The following FRAS1 variants were observed in gnomAD, a reference collection of about 807,000 sequenced individuals.
FRAS1 encodes Fraser extracellular matrix complex subunit 1.
In FRAS1, 290 loss-of-function variants were observed where a neutral mutation model predicts 435.2. The ratio of observed to expected loss-of-function variants is 0.67; its 90% confidence interval spans 0.61 to 0.73. FRAS1 has a LOEUF of 0.73. Among genes scored for constraint, FRAS1 ranks in the 30% least tolerant of loss-of-function variants. The probability of loss-of-function intolerance (pLI) is 0.00; values close to 1 mark genes in which losing one functional copy is unlikely to be tolerated. For missense variants in FRAS1, 4,860 were observed against 5,001.5 expected (o/e 0.97, Z 0.85); for synonymous variants, 1,800 against 1,851.0 (o/e 0.97, Z 0.71).
At position 78,322,082 on chromosome 4, in the gene FRAS1, A is replaced by G. The variant is rs193277215; in HGVS notation, c.2137+3096A>G. ...CAAGTGATGAGAATGTGGCAGAAAG[A>G]GGTTAATTGAGTTGCCTAAGATTCC... On this transcript the variant is annotated intron_variant, in intron 18 of 73. Transcript: ENST00000512123. 2.6e-5 allele frequency among the ~76,000 whole-genome samples: 4 copies of G among 152,202 alleles called. No individual in the cohort carries two copies. The East Asian group carries it at 7.7e-4, about 29-fold the overall frequency.
intron 4 of FRAS1, among the ~76,000 whole-genome samples, chr4:78,249,502 T>C (rs1725432738): frequency 6.6e-6 from 1 of 151,896 alleles, no homozygotes; most frequent in African/African-American, 2.4e-5. Flanking sequence ...TTTGTATTTT[T>C]AGTGGAGATG....
At chr4:78,385,883 TAA>T (rs34277639) in intron 28 of FRAS1, among the ~76,000 whole-genome samples, 25 of 111,760 alleles carry the variant, frequency 2.2e-4, no homozygotes, top group Admixed American at 2.9e-4. Context: ...AGACTCTGTC[TAA>T]AAAAAAAAAA....
intron 14 of FRAS1, among the ~76,000 whole-genome samples, chr4:78,289,845 A>G (rs533288326): frequency 6.6e-6 from 1 of 152,094 alleles, no homozygotes; most frequent in African/African-American, 2.4e-5. Flanking sequence ...TCCCCACCAC[A>G]ATACTTGACC....
chr4:78,147,745 C>T (rs1389104644), intron 2 of FRAS1, among the ~76,000 whole-genome samples: 4 of 152,178 alleles, frequency 2.6e-5, no homozygotes, highest in East Asian at 1.9e-4. Context: ...ATAATGTGAG[C>T]GAGCAACTCT....
At chr4:78,276,313 C>T (rs1727030960) in intron 9 of FRAS1, among the ~76,000 whole-genome samples, 1 of 152,246 alleles carries the variant, frequency 6.6e-6, no homozygotes, top group Admixed American at 6.5e-5. Context: ...CTTCTCTCAG[C>T]TCGTCAAAGT....
At chr4:78,208,585 A>C (rs578250673) in intron 2 of FRAS1, among the ~76,000 whole-genome samples, 2 of 152,320 alleles carry the variant, frequency 1.3e-5, no homozygotes, top group African/African-American at 4.8e-5. Context: ...TAAATAAAAA[A>C]CAATCAAAAC....
chr4:78,268,766 A>C (rs977802731), intron 9 of FRAS1, among the ~76,000 whole-genome samples: 7 of 152,176 alleles, frequency 4.6e-5, no homozygotes, highest in African/African-American at 7.2e-5. Flanking sequence ...GTCGGCTGTG[A>C]CACCTGGCTA....
intron 2 of FRAS1, among the ~76,000 whole-genome samples, chr4:78,130,492 C>T (rs762608068): frequency 1.1e-4 from 16 of 152,130 alleles, no homozygotes; most frequent in African/African-American, 2.7e-4. Flanking sequence ...ACTTTTTAGG[C>T]GCCCTTGCCT....
At chr4:78,263,820 T>C (rs1382732815) in intron 6 of FRAS1, among the ~76,000 whole-genome samples, 1 of 152,200 alleles carries the variant, frequency 6.6e-6, no homozygotes, top group Non-Finnish European at 1.5e-5. Context: ...ATTCTAGTGG[T>C]TCAGGCATTT....
At chr4:78,255,064 A>G (rs769349718) in intron 5 of FRAS1, among the ~76,000 whole-genome samples, 178 bp from the exon 6 acceptor site, 10 of 152,206 alleles carry the variant, frequency 6.6e-5, no homozygotes, top group Non-Finnish European at 1.5e-4. Flanking sequence ...AACTTCACCT[A>G]TAAAACACAA....
chr4:78,466,467 T>A, intron 50 of FRAS1, 32 bp downstream of exon 50: 1 of 1,495,282 alleles, frequency 6.7e-7, no homozygotes, highest in Non-Finnish European at 9.3e-7. Flanking sequence ...GGAGGTAGCC[T>A]AGCACTGCAT....
intron 51 of FRAS1, among the ~76,000 whole-genome samples, chr4:78,471,050 C>A (rs1327409887): frequency 6.6e-6 from 1 of 152,082 alleles, no homozygotes; most frequent in Non-Finnish European, 1.5e-5. Flanking sequence ...CGAGTGTCTA[C>A]CATAAATGAG....
chr4:78,354,656 T>C (rs918817900), intron 20 of FRAS1, among the ~76,000 whole-genome samples: 4 of 152,228 alleles, frequency 2.6e-5, no homozygotes, highest in African/African-American at 9.6e-5. Flanking sequence ...CTACAAGTGC[T>C]GATTATTTTG....
chr4:78,237,656 G>A (rs1724821679), intron 3 of FRAS1, 39 bp downstream of exon 3: 1 of 1,166,266 alleles, frequency 8.6e-7, no homozygotes, highest in Non-Finnish European at 1.2e-6. Context: ...TATTGGTAAA[G>A]TCAGTGAAGG....
chr4:78,395,535 G>A (rs756968221), intron 29 of FRAS1, among the ~76,000 whole-genome samples: 16 of 151,780 alleles, frequency 1.1e-4, no homozygotes, highest in South Asian at 2.1e-4. Flanking sequence ...ATGTATCTAG[G>A]TGTGCTAATG....
chr4:78,101,296 C>T (rs10213609), intron 2 of FRAS1, among the ~76,000 whole-genome samples: 32,912 of 151,900 alleles, frequency 0.22, 3,889 homozygotes, highest in Admixed American at 0.29. Context: ...GATTAGAACA[C>T]CTTTGTGCTT....
intron 28 of FRAS1, among the ~76,000 whole-genome samples, chr4:78,386,497 T>C (rs1009129450): frequency 1.3e-5 from 2 of 152,172 alleles, no homozygotes; most frequent in Admixed American, 6.5e-5. Flanking sequence ...ATTCCTTTAA[T>C]AGAGATTGTA....
At chr4:78,375,047 T>A (rs866696326) in intron 25 of FRAS1, among the ~76,000 whole-genome samples, 46 of 152,268 alleles carry the variant, frequency 3.0e-4, no homozygotes, top group Middle Eastern at 3.4e-3. Flanking sequence ...AACTATACCG[T>A]ATAGCCTCTC....
intron 31 of FRAS1, among the ~76,000 whole-genome samples, chr4:78,411,108 A>ATTTTTTTTTTT (rs369399937): frequency 1.4e-5 from 2 of 142,858 alleles, no homozygotes. Context: ...AGTTGCATGG[A>ATTTTTTTTTTT]TTTTTTTTCT....
Sources: gnomAD v4.1 joint callset for allele counts (sites outside exome capture counted in the v4.1 genomes callset) on GRCh38, gnomAD v4.1.1 for gene constraint, MANE v1.5 for transcripts, NCBI Gene and HGNC (gene_info 2026-07-23, HGNC 2026-07-21) for gene names.